The following ULK4 variants were observed in gnomAD, a reference collection of about 807,000 sequenced individuals.
The protein encoded by ULK4 is inactive serine/threonine-protein kinase ULK4.
In ULK4, 133 loss-of-function variants were observed where a neutral mutation model predicts 160.6. The ratio of observed to expected loss-of-function variants is 0.83; its 90% CI spans 0.72 to 0.96. The LOEUF is 0.96. Among genes scored for constraint, ULK4 ranks in the 40% least tolerant of loss-of-function variants. The pLI is 0.00. For synonymous variants in ULK4, 534 were observed against 539.8 expected (o/e 0.99, Z 0.15); for missense variants, 1,580 against 1,499.5 (o/e 1.05, Z -0.89).
chr3:41,802,443 T>C (rs529762368), intron 19 of ULK4, among the ~76,000 whole-genome samples: 1 of 152,220 alleles, frequency 6.6e-6, no homozygotes, highest in East Asian at 1.9e-4. Context: ...ACAAGAGGCA[T>C]GTGCCACCAT....
intron 32 of ULK4, among the ~76,000 whole-genome samples, chr3:41,489,521 T>C (rs542929135): frequency 6.6e-6 from 1 of 152,166 alleles, no homozygotes; most frequent in Non-Finnish European, 1.5e-5. Flanking sequence ...AACAGTGCAA[T>C]GAACCAAGGT....
At position 41,566,267 on chromosome 3, in the gene ULK4, C is replaced by T. The variant is rs1266383079; in HGVS notation, c.3121-137G>A. ...ATTACCTTTTTGCACTTTAATGAAG[C>T]ACATCCTTCTATGTTAAGACAAATC... On this transcript the variant is annotated intron_variant, in intron 31 of 36. Transcript: ENST00000301831. The T allele has an allele frequency of 4.3e-6, 3 of 697,292 alleles. No individual in the cohort carries two copies. The African/African-American group carries it at 5.4e-5, about 13-fold the overall frequency. The allele number at this position is 697,292 out of a possible 1,614,324, so 43.2% of individuals were successfully genotyped here.
chr3:41,373,322 AACAGAATAT>A (rs1319883637), intron 35 of ULK4, among the ~76,000 whole-genome samples: 1 of 152,200 alleles, frequency 6.6e-6, no homozygotes, highest in Non-Finnish European at 1.5e-5. Flanking sequence ...ACCCCAAATC[AACAGAATAT>A]ACACTCTTCT....
At chr3:41,745,230 T>A (rs899618890) in intron 22 of ULK4, among the ~76,000 whole-genome samples, 1 of 150,974 alleles carries the variant, frequency 6.6e-6, no homozygotes, top group East Asian at 1.9e-4. Flanking sequence ...AGAAAAATGA[T>A]AGAGAAAACA....
At chr3:41,569,976 A>G (rs368494189) in intron 31 of ULK4, among the ~76,000 whole-genome samples, 2 of 152,160 alleles carry the variant, frequency 1.3e-5, no homozygotes, top group Admixed American at 6.5e-5. Flanking sequence ...TCATCATCCT[A>G]CCTTCTCCTC....
intron 31 of ULK4, among the ~76,000 whole-genome samples, chr3:41,575,937 G>A (rs2088175210): frequency 6.6e-6 from 1 of 152,218 alleles, no homozygotes; most frequent in Non-Finnish European, 1.5e-5. Context: ...AGCCAAAGCT[G>A]CTCAGACAGG....
intron 22 of ULK4, among the ~76,000 whole-genome samples, chr3:41,750,129 G>A (rs2038565470): frequency 6.6e-6 from 1 of 152,130 alleles, no homozygotes; most frequent in Non-Finnish European, 1.5e-5. Context: ...TGTGAGCAGA[G>A]GATCCAGTTA....
chr3:41,254,035 C>G (rs2078786663), intron 35 of ULK4, among the ~76,000 whole-genome samples: 1 of 152,112 alleles, frequency 6.6e-6, no homozygotes, highest in African/African-American at 2.4e-5. Flanking sequence ...ACAGATAAAT[C>G]CACAATCGTA....
chr3:41,721,362 A>ATATATATAT (rs1553639902), intron 22 of ULK4, among the ~76,000 whole-genome samples: 1 of 27,934 alleles, frequency 3.6e-5, no homozygotes, highest in Non-Finnish European at 5.7e-5. Flanking sequence ...ATATATATAT[A>ATATATATAT]TTTTTTTTTT....
intron 16 of ULK4, among the ~76,000 whole-genome samples, chr3:41,889,109 A>C (rs371362356): frequency 8.9e-4 from 136 of 152,344 alleles, no homozygotes; most frequent in African/African-American, 3.0e-3. Flanking sequence ...AGTGACCTAC[A>C]AGTTCAAGAG....
intron 17 of ULK4, among the ~76,000 whole-genome samples, chr3:41,879,249 A>G (rs1232947291): frequency 6.6e-6 from 1 of 152,188 alleles, no homozygotes; most frequent in Non-Finnish European, 1.5e-5. Context: ...ATTGGGTGTG[A>G]TAATGAAATC....
At chr3:41,696,633 AC>A (rs1024120124) in intron 27 of ULK4, among the ~76,000 whole-genome samples, 9 of 151,782 alleles carry the variant, frequency 5.9e-5, no homozygotes, top group Non-Finnish European at 1.2e-4. Context: ...TTGCCTCCAC[AC>A]ACGGCAAGAA....
At chr3:41,592,091 T>C (rs1350917612) in intron 31 of ULK4, among the ~76,000 whole-genome samples, 1 of 152,182 alleles carries the variant, frequency 6.6e-6, no homozygotes, top group Admixed American at 6.5e-5. Flanking sequence ...GGAAGCGGAC[T>C]GCTCCTGCAG....
chr3:41,615,331 T>G (rs1357246162), intron 31 of ULK4, among the ~76,000 whole-genome samples: 1 of 152,208 alleles, frequency 6.6e-6, no homozygotes, highest in Non-Finnish European at 1.5e-5. Context: ...AAATTCATAC[T>G]GAAGTGTAGC....
At chr3:41,254,285 T>C (rs968688222) in intron 35 of ULK4, among the ~76,000 whole-genome samples, 2 of 152,120 alleles carry the variant, frequency 1.3e-5, no homozygotes, top group African/African-American at 4.8e-5. Flanking sequence ...ATTGAAACCA[T>C]ATAAAATATA....
chr3:41,837,234 G>A (rs1383468388), intron 17 of ULK4, among the ~76,000 whole-genome samples: 1 of 152,108 alleles, frequency 6.6e-6, no homozygotes, highest in Non-Finnish European at 1.5e-5. Context: ...CTTTACTGAG[G>A]TATAACTTAT....
chr3:41,686,982 G>C (rs1224817108), intron 27 of ULK4, among the ~76,000 whole-genome samples: 4 of 152,076 alleles, frequency 2.6e-5, no homozygotes, highest in African/African-American at 9.7e-5. Context: ...CTTTGGGAGT[G>C]TGAGGTGGGA....
chr3:41,883,816 CAGAATCA>C, intron 17 of ULK4, 51 bp downstream of exon 17: 1 of 1,435,148 alleles, frequency 7.0e-7, no homozygotes. Context: ...TTCTAAATTA[CAGAATCA>C]AGAACAGTAT....
At chr3:41,556,121 C>G (rs779739414) in intron 32 of ULK4, among the ~76,000 whole-genome samples, 15 of 152,174 alleles carry the variant, frequency 9.9e-5, no homozygotes, top group Non-Finnish European at 1.9e-4. Context: ...ACAATAAACC[C>G]CCATGACACA....
Sources: allele counts gnomAD v4.1 joint callset (sites outside exome capture counted in the v4.1 genomes callset), GRCh38; gene constraint gnomAD v4.1.1; transcripts MANE v1.5; gene names NCBI Gene and HGNC (gene_info 2026-07-23, HGNC 2026-07-21).